The following KIAA0825 variants were observed in gnomAD, a reference collection of about 807,000 sequenced individuals.
KIAA0825 encodes KIAA0825, also known as uncharacterized protein KIAA0825.
KIAA0825 carries 119 observed loss-of-function variants against 147.6 expected under a neutral mutation model. That is an observed-to-expected ratio of 0.81 (90% confidence interval 0.69 to 0.94). KIAA0825 has a LOEUF of 0.94. KIAA0825 is among the 40% of genes least tolerant of loss of function. KIAA0825 has a pLI of 0.00. For synonymous variants in KIAA0825, 470 were observed against 518.1 expected, an observed-to-expected ratio of 0.91 and a Z score of 1.26; for missense variants, 1,381 against 1,472.7, an observed-to-expected ratio of 0.94 and a Z score of 1.02.
chr5:94,346,059 C>T (rs1782952644), intron 20 of KIAA0825, among the ~76,000 whole-genome samples: 1 of 152,256 alleles, frequency 6.6e-6, no homozygotes, highest in Non-Finnish European at 1.5e-5. Context: ...ATACCAGGCC[C>T]AGGGTGTGGC....
intron 9 of KIAA0825, 67 bp from the exon 10 acceptor site, chr5:94,470,178 A>C (rs1218846674): frequency 9.0e-7 from 1 of 1,115,734 alleles, no homozygotes; most frequent in Middle Eastern, 2.2e-4. Context: ...AACAATCTCC[A>C]GTACTACAAA....
chr5:94,232,423 A>T (rs531144415), intron 20 of KIAA0825, among the ~76,000 whole-genome samples: 3 of 152,256 alleles, frequency 2.0e-5, no homozygotes, highest in Admixed American at 6.5e-5. Context: ...AACAATTCCC[A>T]TGGAGAATTC....
At chr5:94,586,782 A>G (rs546737849) in intron 1 of KIAA0825, among the ~76,000 whole-genome samples, 3 of 152,340 alleles carry the variant, frequency 2.0e-5, no homozygotes, top group South Asian at 2.1e-4. Context: ...ACATCAATGC[A>G]AAAATCCTCA....
intron 14 of KIAA0825, among the ~76,000 whole-genome samples, chr5:94,433,111 G>A (rs1755905518): frequency 6.6e-6 from 1 of 152,130 alleles, no homozygotes; most frequent in Non-Finnish European, 1.5e-5. Context: ...TCGGTTCACT[G>A]CAAGCTCCAC....
At chr5:94,200,946 CATAT>C (rs34842887) in intron 20 of KIAA0825, among the ~76,000 whole-genome samples, 15,242 of 103,616 alleles carry the variant, frequency 0.15, 958 homozygotes, top group African/African-American at 0.2. Flanking sequence ...AGAATTTAAA[CATAT>C]ATATATATAT....
At chr5:94,593,038 T>A in intron 1 of KIAA0825, 1 of 669,310 alleles carries the variant, frequency 1.5e-6, no homozygotes, top group Non-Finnish European at 2.8e-6. Flanking sequence ...AAATGTTGAG[T>A]ATGTCAGAGA....
intron 20 of KIAA0825, among the ~76,000 whole-genome samples, chr5:94,312,254 T>C (rs918033712): frequency 1.3e-5 from 2 of 151,658 alleles, no homozygotes; most frequent in African/African-American, 4.8e-5. Flanking sequence ...AAATGTTTGT[T>C]ACTAATAGCA....
chr5:94,401,005 A>T (rs533562660), intron 16 of KIAA0825, among the ~76,000 whole-genome samples: 2 of 152,118 alleles, frequency 1.3e-5, no homozygotes, highest in Non-Finnish European at 2.9e-5. Flanking sequence ...ACCTTTAAAC[A>T]TTTATAATTA....
intron 20 of KIAA0825, among the ~76,000 whole-genome samples, chr5:94,315,113 G>T (rs1012909251): frequency 6.6e-6 from 1 of 151,516 alleles, no homozygotes; most frequent in Non-Finnish European, 1.5e-5. Context: ...AGTTCTAAAC[G>T]TGTCATATCT....
At chr5:94,323,784 A>C (rs559060612) in intron 20 of KIAA0825, among the ~76,000 whole-genome samples, 2 of 151,902 alleles carry the variant, frequency 1.3e-5, no homozygotes, top group Admixed American at 6.6e-5. Flanking sequence ...GGAAAGATGG[A>C]GATTAGGGGA....
rs1562284273 is a variant in KIAA0825, at chr5:94,152,894, AT to A, written c.*1112del. ...TATATATATATATATATATATATAT[AT>A]ATATATATGGTTTCTCCCAGACGTT... On this transcript the variant is annotated 3_prime_UTR_variant, in exon 21 of 21. Transcript: ENST00000682413. 9.6e-3 allele frequency: 375 copies of A among 39,230 alleles called. 127 individuals carry two copies. Among genetic ancestry groups the A allele is most frequent in the African/African-American group, 0.013 (149 of 11,168 alleles). 2.4% of individuals were successfully genotyped at this position (39,230 alleles called of 1,614,324 possible). A position where few individuals can be genotyped will look rare whatever the true frequency, so the allele number is the denominator to read the frequency against.
At chr5:94,469,650 G>C (rs922073696) in intron 10 of KIAA0825, among the ~76,000 whole-genome samples, 23 of 152,146 alleles carry the variant, frequency 1.5e-4, no homozygotes, top group African/African-American at 5.6e-4. Flanking sequence ...CAAGGTTGTA[G>C]CATTTTGGCA....
chr5:94,593,961 T>C (rs1378873447), intron 1 of KIAA0825: 2 of 462,250 alleles, frequency 4.3e-6, no homozygotes, highest in Non-Finnish European at 4.3e-6. Flanking sequence ...AATAAATCCA[T>C]CCATTTAGAA....
At chr5:94,301,478 T>G (rs1778401068) in intron 20 of KIAA0825, among the ~76,000 whole-genome samples, 1 of 152,096 alleles carries the variant, frequency 6.6e-6, no homozygotes, top group Non-Finnish European at 1.5e-5. Context: ...AAGGTGGTGT[T>G]CCTAGCAGTA....
chr5:94,188,716 A>G (rs1430377743), intron 20 of KIAA0825, among the ~76,000 whole-genome samples: 1 of 150,776 alleles, frequency 6.6e-6, no homozygotes, highest in African/African-American at 2.4e-5. Flanking sequence ...GTTGTTATGT[A>G]TAATGCTGCT....
At chr5:94,460,640 T>C (rs1291748415) in intron 12 of KIAA0825, among the ~76,000 whole-genome samples, 2 of 152,098 alleles carry the variant, frequency 1.3e-5, no homozygotes, top group Non-Finnish European at 2.9e-5. Context: ...ATTTTTTTAA[T>C]ATGCTAATAG....
At chr5:94,604,692 T>C (rs1787162325) in intron 1 of KIAA0825, among the ~76,000 whole-genome samples, 1 of 152,220 alleles carries the variant, frequency 6.6e-6, no homozygotes, top group South Asian at 2.1e-4. Flanking sequence ...AAAAGTTTTT[T>C]GAAACTAAGA....
Position 94,447,976 on chromosome 5 carries a change from G to A in KIAA0825, c.2357+4983C>T, listed in dbSNP as rs188437021. 1.2e-4 allele frequency among the ~76,000 whole-genome samples: 19 copies of A among 152,014 alleles called. No individual in the cohort carries two copies. In the East Asian group the frequency reaches 2.7e-3, roughly 22 times the overall value. The stretch of plus-strand genomic sequence containing the variant: ...GTACAGTTATGACCTACTTAGCTAA[G>A]GAAGACCTGAAAATGCTTTTTTAAA... On this transcript the variant is annotated intron_variant, in intron 13 of 20. Coordinates refer to ENST00000682413, the MANE Select transcript of KIAA0825 (RefSeq NM_001145678.3).
chr5:94,307,411 G>A (rs9314105), intron 20 of KIAA0825, among the ~76,000 whole-genome samples: 58,414 of 151,260 alleles, frequency 0.39, 11,622 homozygotes, highest in African/African-American at 0.46. Context: ...TCAAATTTCA[G>A]AAAAGTTGTT....
Sources: allele counts gnomAD v4.1 joint callset (sites outside exome capture counted in the v4.1 genomes callset), GRCh38; gene constraint gnomAD v4.1.1; transcripts MANE v1.5; gene names NCBI Gene and HGNC (gene_info 2026-07-23, HGNC 2026-07-21).